The following GMEB2 variants were observed in gnomAD, a reference collection of about 807,000 sequenced individuals.
GMEB2 encodes the protein glucocorticoid modulatory element-binding protein 2.
In GMEB2, 7 loss-of-function variants were observed where a neutral mutation model predicts 45.7. The ratio of observed to expected loss-of-function variants is 0.15; its 90% CI spans 0.09 to 0.29. GMEB2 has a LOEUF of 0.29. GMEB2 is among the 10% of genes least tolerant of loss of function. GMEB2 has a pLI of 1.00. For synonymous variants in GMEB2, 322 were observed against 323.6 expected, an observed-to-expected ratio of 1.00 and a Z score of 0.05; for missense variants, 582 against 739.2, an observed-to-expected ratio of 0.79 and a Z score of 2.47.
chr20:63,613,852 C>G (rs1389553526), intron 2 of GMEB2, among the ~76,000 whole-genome samples: 1 of 152,182 alleles, frequency 6.6e-6, no homozygotes, highest in Non-Finnish European at 1.5e-5. Context: ...ATGTTGAACT[C>G]TCCACATTTC....
At chr20:63,626,356 AAT>A in intron 1 of GMEB2, among the ~76,000 whole-genome samples, 1 of 28,842 alleles carries the variant, frequency 3.5e-5, no homozygotes, top group African/African-American at 1.2e-4. Flanking sequence ...GGCCCCTGGG[AAT>A]CGCGTCCCTG....
At chr20:63,600,717 CAA>C (rs34633546) in intron 4 of GMEB2, among the ~76,000 whole-genome samples, 4 of 84,628 alleles carry the variant, frequency 4.7e-5, no homozygotes, top group Admixed American at 1.5e-4. Context: ...GACTCCATCT[CAA>C]AAAAAAAAAA....
intron 4 of GMEB2, among the ~76,000 whole-genome samples, chr20:63,599,009 C>G (rs573976154): frequency 5.9e-5 from 9 of 152,238 alleles, no homozygotes; most frequent in Non-Finnish European, 1.3e-4. Flanking sequence ...CTTCTCACCC[C>G]AGGTTTTCCT....
chr20:63,612,619 C>T (rs769069470), intron 2 of GMEB2, among the ~76,000 whole-genome samples: 26 of 152,210 alleles, frequency 1.7e-4, no homozygotes, highest in Non-Finnish European at 1.5e-4. Context: ...ATGTCGCTTG[C>T]GTCAATCAAG....
At chr20:63,599,099 A>G (rs796447041) in intron 4 of GMEB2, among the ~76,000 whole-genome samples, 74 of 152,300 alleles carry the variant, frequency 4.9e-4, no homozygotes, top group African/African-American at 1.7e-3. Context: ...CAGAGCTGCC[A>G]GAGCCCAGAG....
At chr20:63,622,329 G>T (rs1450290166) in intron 1 of GMEB2, among the ~76,000 whole-genome samples, 1 of 152,180 alleles carries the variant, frequency 6.6e-6, no homozygotes, top group Non-Finnish European at 1.5e-5. Flanking sequence ...CTCACTAAGG[G>T]GAGGCACTCA....
rs140176924 is a variant in GMEB2, at chr20:63,594,728, C to T, written c.619+882G>A. Among the ~76,000 whole-genome samples, 10 of 152,238 alleles carry T rather than the reference C, an allele frequency of 6.6e-5. No homozygotes were observed. In the East Asian group the frequency reaches 1.9e-3, roughly 29 times the overall value. ...CACCCAGAGATGTGACCAGGGAGCC[C>T]AGGACCTAACTTCACTTTAACTTCA... On this transcript the variant is annotated intron_variant, in intron 6 of 9. Transcript: ENST00000370077.
intron 2 of GMEB2, among the ~76,000 whole-genome samples, chr20:63,613,445 A>G (rs1228923005): frequency 6.6e-6 from 1 of 151,902 alleles, no homozygotes; most frequent in East Asian, 1.9e-4. Flanking sequence ...CAAGACACCC[A>G]CAGAGGAGAG....
chr20:63,619,155 T>C lies in GMEB2; in HGVS notation c.131+112A>G, dbSNP rs1207864755. On this transcript the variant is annotated intron_variant, in intron 2 of 9. Transcript: ENST00000370077. The surrounding 1 kb of genome is among the most constrained non-coding windows in gnomAD (Gnocchi z 4.6). ...CATTTGAGTCCAGTCTCAGAAGAAC[T>C]GGAACTAGAAAAATCCTGACACTTG... 6.4e-6 allele frequency: 7 copies of C among 1,100,368 alleles called. No homozygotes were observed. Among genetic ancestry groups the C allele is most frequent in the East Asian group, 2.7e-5 (1 of 36,552 alleles). The allele number at this position is 1,100,368 out of a possible 1,614,324, so 68.2% of individuals were successfully genotyped here.
In GMEB2 at chr20:63,589,885, C is replaced by T. The variant is rs1057186629; in HGVS notation, c.*204G>A. The T allele has an allele frequency of 4.6e-6, 2 of 432,758 alleles. No homozygotes were observed. Among genetic ancestry groups the T allele is most frequent in the African/African-American group, 4.1e-5 (2 of 49,188 alleles). The allele number at this position is 432,758 out of a possible 1,614,324, so 26.8% of individuals were successfully genotyped here. A position where few individuals can be genotyped will look rare whatever the true frequency, so the allele number is the denominator to read the frequency against. The stretch of plus-strand genomic sequence containing the variant: ...GAAAAAAGGGGGAGGAAACGTGGGA[C>T]CTGAAGACCGATTTTCCAGGTTGCT... On this transcript the variant is annotated 3_prime_UTR_variant, in exon 10 of 10. Coordinates refer to ENST00000370077, the MANE Select transcript of GMEB2 (RefSeq NM_012384.5).
intron 2 of GMEB2, among the ~76,000 whole-genome samples, chr20:63,612,002 G>A (rs866864461): frequency 1.2e-4 from 19 of 152,174 alleles, no homozygotes; most frequent in East Asian, 1.9e-4. Flanking sequence ...GCTGCCATGA[G>A]CCGTGACTGT....
At chr20:63,595,516 G>A (rs1370211995) in intron 6 of GMEB2, 94 bp downstream of exon 6, 12 of 1,186,490 alleles carry the variant, frequency 1.0e-5, no homozygotes, top group South Asian at 8.7e-5. Context: ...GTGAGCAAAC[G>A]CCTGGGGCCA....
chr20:63,607,237 A>C (rs1385438135), intron 2 of GMEB2, among the ~76,000 whole-genome samples: 26 of 63,708 alleles, frequency 4.1e-4, no homozygotes, highest in Non-Finnish European at 5.1e-4. Context: ...CCTCTGACCC[A>C]CCTCCATTTC....
intron 3 of GMEB2, 28 bp from the exon 4 acceptor site, chr20:63,603,120 G>A (rs1395977652): frequency 1.2e-6 from 2 of 1,611,988 alleles, no homozygotes; most frequent in South Asian, 1.1e-5. Flanking sequence ...GACAGGGAAG[G>A]GTAAAAGCAG....
chr20:63,592,401 GA>G lies in GMEB2; in HGVS notation c.829+131del. ...ACCAAGTTCAGCCTCAGCACAGCAGGAGTCCCAAGCCTAGATTCAGCCTCCA... is the reference window on the plus strand; with the variant it reads ...ACCAAGTTCAGCCTCAGCACAGCAGGGTCCCAAGCCTAGATTCAGCCTCCA... On this transcript the variant is annotated intron_variant, in intron 8 of 9. Coordinates refer to ENST00000370077, the MANE Select transcript of GMEB2 (RefSeq NM_012384.5). The surrounding 1 kb of genome is among the most constrained non-coding windows in gnomAD (Gnocchi z 8.2). 5.8e-6 allele frequency: 4 copies of G among 693,354 alleles called. No homozygotes were observed. Among genetic ancestry groups the G allele is most frequent in the Non-Finnish European group, 9.6e-6 (4 of 415,614 alleles). The allele number at this position is 693,354 out of a possible 1,614,324, so 43.0% of individuals were successfully genotyped here.
At chr20:63,594,380 G>A (rs1204031571) in intron 6 of GMEB2, among the ~76,000 whole-genome samples, 1 of 152,200 alleles carries the variant, frequency 6.6e-6, no homozygotes, top group Non-Finnish European at 1.5e-5. Context: ...GGGAGGCCCT[G>A]GGGAGGACAG....
chr20:63,609,550 A>AC (rs1256060847), intron 2 of GMEB2, among the ~76,000 whole-genome samples: 2 of 17,444 alleles, frequency 1.1e-4, no homozygotes, highest in African/African-American at 1.5e-4. Context: ...TGCCCCTCTG[A>AC]CCTCACCTCC....
In GMEB2 at chr20:63,588,422, T is replaced by G. The variant is rs1395012544; in HGVS notation, c.*1667A>C. 1 of 204,178 alleles carries G rather than the reference T, an allele frequency of 4.9e-6. No homozygotes were observed. Among genetic ancestry groups the G allele is most frequent in the Non-Finnish European group, 9.7e-6 (1 of 102,992 alleles). The allele number at this position is 204,178 out of a possible 1,614,324, so 12.6% of individuals were successfully genotyped here. A position where few individuals can be genotyped will look rare whatever the true frequency, so the allele number is the denominator to read the frequency against. On this transcript the variant is annotated 3_prime_UTR_variant, in exon 10 of 10. Transcript: ENST00000370077. ...CCTGACCCCCGTAGGGTCATACCGC[T>G]GCATGCTGCAGAACTCAACTAGAGT...
chr20:63,597,598 C>T (rs2083209575), intron 5 of GMEB2, among the ~76,000 whole-genome samples, 159 bp downstream of exon 5: 1 of 152,210 alleles, frequency 6.6e-6, no homozygotes, highest in African/African-American at 2.4e-5. Flanking sequence ...GACGGGTTTA[C>T]AGTTTTGGGT....
Sources: allele counts gnomAD v4.1 joint callset (sites outside exome capture counted in the v4.1 genomes callset), GRCh38; gene constraint gnomAD v4.1.1; non-coding constraint Gnocchi (gnomAD v3.1); transcripts MANE v1.5; gene names NCBI Gene and HGNC (gene_info 2026-07-23, HGNC 2026-07-21).